MAP2K5: variants seen among roughly 807,000 people sequenced by gnomAD.
The protein encoded by MAP2K5 is mitogen-activated protein kinase kinase 5.
In MAP2K5, 49 loss-of-function variants were observed where a neutral mutation model predicts 83.1. The ratio of observed to expected loss-of-function variants is 0.59; its 90% CI spans 0.47 to 0.75. MAP2K5 has a LOEUF of 0.75. MAP2K5 is among the 30% of genes least tolerant of loss of function. MAP2K5 has a pLI of 0.00. For synonymous variants in MAP2K5, 202 were observed against 191.8 expected, an observed-to-expected ratio of 1.05 and a Z score of -0.44; for missense variants, 457 against 557.5, an observed-to-expected ratio of 0.82 and a Z score of 1.82.
At position 67,543,582 on chromosome 15, in the gene MAP2K5, C is replaced by T; in HGVS notation, c.135+112C>T. On this transcript the variant is annotated intron_variant, in intron 1 of 21. Coordinates refer to ENST00000178640, the MANE Select transcript of MAP2K5 (RefSeq NM_145160.3). This position sits in a 1 kb window ranked among gnomAD's most constrained non-coding sequence, Gnocchi z 4.3. ...CAGTGGCAATGGCTACTGCTGGCTT[C>T]CTGTGGAGGCAGTTTTATTGCTTCA... 1 of 1,240,170 alleles carries T rather than the reference C, an allele frequency of 8.1e-7. No homozygotes were observed. The highest frequency in any genetic ancestry group is 1.1e-6 in the Non-Finnish European group (1 of 873,960). 76.8% of individuals were successfully genotyped at this position (1,240,170 alleles called of 1,614,324 possible).
intron 9 of MAP2K5, among the ~76,000 whole-genome samples, chr15:67,645,230 T>G (rs1334755236): frequency 2.0e-5 from 3 of 150,880 alleles, no homozygotes; most frequent in African/African-American, 7.3e-5. Flanking sequence ...GTAATCCCAG[T>G]GCTTTGGGAG....
chr15:67,582,685 G>C (rs1290923989), intron 4 of MAP2K5, among the ~76,000 whole-genome samples: 1 of 152,038 alleles, frequency 6.6e-6, no homozygotes, highest in East Asian at 1.9e-4. Flanking sequence ...AGCCGGGCGT[G>C]GTGCACACTC....
At chr15:67,728,304 A>G (rs1250739526) in intron 17 of MAP2K5, among the ~76,000 whole-genome samples, 1 of 152,164 alleles carries the variant, frequency 6.6e-6, no homozygotes, top group Non-Finnish European at 1.5e-5. Flanking sequence ...TTTTTGAGTT[A>G]AAAGATTAAG....
At chr15:67,745,700 A>G (rs2089591074) in intron 17 of MAP2K5, among the ~76,000 whole-genome samples, 1 of 152,240 alleles carries the variant, frequency 6.6e-6, no homozygotes, top group Non-Finnish European at 1.5e-5. Context: ...AAAGGAGATA[A>G]TACATCTAAC....
Position 67,793,754 on chromosome 15 carries a change from T to C in MAP2K5, c.1243-12892T>C, listed in dbSNP as rs1025525288. Among the ~76,000 whole-genome samples the C allele has an allele frequency of 1.3e-5, 2 of 152,254 alleles. No homozygotes were observed. The highest frequency in any genetic ancestry group is 2.9e-5 in the Non-Finnish European group (2 of 68,044). ...TTCACTGTATAGAAAATATACTCTT[T>C]GATCACGTTGTATATAAATGTCCAA... On this transcript the variant is annotated intron_variant, in intron 21 of 21. Transcript: ENST00000178640. The surrounding 1 kb of genome is among the most constrained non-coding windows in gnomAD (Gnocchi z 4.6).
chr15:67,695,130 G>A, intron 15 of MAP2K5, among the ~76,000 whole-genome samples: 1 of 126,670 alleles, frequency 7.9e-6, no homozygotes, highest in African/African-American at 2.9e-5. Flanking sequence ...GAGGGGGGAG[G>A]GATGGCATTG....
In MAP2K5 at chr15:67,781,336, T is replaced by A. The variant is rs1231119898; in HGVS notation, c.1242+8584T>A. Reference sequence around the variant, plus strand: ...TATTTACAGTTGTGCCAGCTGGATTTGTTTAATGGGTTGTTTGCTTTTTAA... The same window carrying A: ...TATTTACAGTTGTGCCAGCTGGATTAGTTTAATGGGTTGTTTGCTTTTTAA... On this transcript the variant is annotated intron_variant, in intron 21 of 21. Coordinates refer to ENST00000178640, the MANE Select transcript of MAP2K5 (RefSeq NM_145160.3). This position sits in a 1 kb window ranked among gnomAD's most constrained non-coding sequence, Gnocchi z 4.0. Among the ~76,000 whole-genome samples, 1 of 152,220 alleles carries A rather than the reference T, an allele frequency of 6.6e-6. No homozygotes were observed. Among genetic ancestry groups the A allele is most frequent in the African/African-American group, 2.4e-5 (1 of 41,452 alleles).
At chr15:67,544,479 G>C (rs917611573) in intron 1 of MAP2K5, among the ~76,000 whole-genome samples, 1 of 152,168 alleles carries the variant, frequency 6.6e-6, no homozygotes, top group Admixed American at 6.5e-5. Flanking sequence ...GAGGTGAAAT[G>C]GCTTTTCCAA....
rs1041612362 is a variant in MAP2K5 at position 67,786,038 on chromosome 15, C to T, written c.1242+13286C>T. Among the ~76,000 whole-genome samples, 3 of 149,378 alleles carry T rather than the reference C, an allele frequency of 2.0e-5. No homozygotes were observed. The highest frequency in any genetic ancestry group is 4.4e-5 in the Non-Finnish European group (3 of 67,592). On this transcript the variant is annotated intron_variant, in intron 21 of 21. Coordinates refer to ENST00000178640, the MANE Select transcript of MAP2K5 (RefSeq NM_145160.3). The surrounding 1 kb of genome is among the most constrained non-coding windows in gnomAD (Gnocchi z 4.7). ...AGGTTGTTTTTTTTTTTTTAACTTA[C>T]AGAAGATGGAGGTTATGAAAGTGTT...
At position 67,781,132 on chromosome 15, in the gene MAP2K5, C is replaced by T. The variant is rs954770421; in HGVS notation, c.1242+8380C>T. Reference sequence around the variant, plus strand: ...TTGAAAAAGATCAGAGACATTCAGCCGTTTGTGGGAGAAATATAAAAGGAT... The same window carrying T: ...TTGAAAAAGATCAGAGACATTCAGCTGTTTGTGGGAGAAATATAAAAGGAT... On this transcript the variant is annotated intron_variant, in intron 21 of 21. Coordinates refer to ENST00000178640, the MANE Select transcript of MAP2K5 (RefSeq NM_145160.3). This position sits in a 1 kb window ranked among gnomAD's most constrained non-coding sequence, Gnocchi z 4.0. 2.6e-5 allele frequency among the ~76,000 whole-genome samples: 4 copies of T among 152,134 alleles called. No homozygotes were observed. Among genetic ancestry groups the T allele is most frequent in the South Asian group, 2.1e-4 (1 of 4,826 alleles).
At chr15:67,740,736 G>A (rs565230891) in intron 17 of MAP2K5, among the ~76,000 whole-genome samples, 1 of 152,150 alleles carries the variant, frequency 6.6e-6, no homozygotes, top group Non-Finnish European at 1.5e-5. Context: ...TATCAGAAAT[G>A]TGAATGCATG....
chr15:67,649,808 G>T (rs2141125372), intron 11 of MAP2K5, among the ~76,000 whole-genome samples: 1 of 152,216 alleles, frequency 6.6e-6, no homozygotes, highest in African/African-American at 2.4e-5. Context: ...TTCTTTTCAA[G>T]ATTGTTTTGG....
At position 67,769,714 on chromosome 15, in the gene MAP2K5, A is replaced by T; in HGVS notation, c.1196+51A>T. On this transcript the variant is annotated intron_variant, in intron 20 of 21. Transcript: ENST00000178640. The surrounding 1 kb of genome is among the most constrained non-coding windows in gnomAD (Gnocchi z 5.2). ...GCCCTCAATGTAAATGATACATGCC[A>T]TTAACTCGGCAGCTCCGTGAGACCT... 6.3e-7 allele frequency: 1 copy of T among 1,579,460 alleles called. No homozygotes were observed. The highest frequency in any genetic ancestry group is 1.1e-5 in the South Asian group (1 of 89,906).
chr15:67,692,340 T>A, intron 13 of MAP2K5, 139 bp from the exon 14 acceptor site: 1 of 562,354 alleles, frequency 1.8e-6, no homozygotes, highest in Admixed American at 3.3e-5. Context: ...ATGCTTTTCA[T>A]TAAATTTGTG....
Position 67,698,344 on chromosome 15 carries a change from C to A in MAP2K5, c.972+4776C>A, listed in dbSNP as rs756812137. Among the ~76,000 whole-genome samples, 2 of 151,958 alleles carry A rather than the reference C, an allele frequency of 1.3e-5. No individual in the cohort carries two copies. The highest frequency in any genetic ancestry group is 2.9e-5 in the Non-Finnish European group (2 of 68,010). ...CTGGGATTACAGGCGTGCACCACCA[C>A]GCCCGGCTAATTTTTGTATTTTTAG... On this transcript the variant is annotated intron_variant, in intron 15 of 21. Coordinates refer to ENST00000178640, the MANE Select transcript of MAP2K5 (RefSeq NM_145160.3). This position sits in a 1 kb window ranked among gnomAD's most constrained non-coding sequence, Gnocchi z 4.5.
chr15:67,622,561 A>AT (rs1223490597), intron 8 of MAP2K5, among the ~76,000 whole-genome samples: 2 of 152,002 alleles, frequency 1.3e-5, no homozygotes, highest in Admixed American at 6.5e-5. Flanking sequence ...TATCCAGGTG[A>AT]TTATTTTTTT....
chr15:67,610,203 A>C (rs2085886771), intron 8 of MAP2K5, among the ~76,000 whole-genome samples: 1 of 152,194 alleles, frequency 6.6e-6, no homozygotes, highest in Non-Finnish European at 1.5e-5. Flanking sequence ...TAAATTTGAA[A>C]GTCAATGATG....
Position 67,555,823 on chromosome 15 carries a change from G to A in MAP2K5, c.184+5741G>A, listed in dbSNP as rs947092004. Among the ~76,000 whole-genome samples the A allele has an allele frequency of 6.7e-5, 10 of 150,252 alleles. No individual in the cohort carries two copies. The highest frequency in any genetic ancestry group is 1.5e-4 in the African/African-American group (6 of 40,742). ...TTTTGAGACGCAGTCTCACTCTGTC[G>A]CCCAGGCTGGAGTGCAGTGGTGTGA... On this transcript the variant is annotated intron_variant, in intron 2 of 21. Transcript: ENST00000178640. This position sits in a 1 kb window ranked among gnomAD's most constrained non-coding sequence, Gnocchi z 5.2.
At position 67,722,435 on chromosome 15, in the gene MAP2K5, T is replaced by C. The variant is rs1309924281; in HGVS notation, c.1045-5481T>C. 6.6e-6 allele frequency among the ~76,000 whole-genome samples: 1 copy of C among 152,164 alleles called. No homozygotes were observed. The highest frequency in any genetic ancestry group is 2.4e-5 in the African/African-American group (1 of 41,422). ...TTCAAGACGCTTTGTGTTTCTGTGTTCTTTGTTGTCAGTTTAACCTCCAAA... is the reference window on the plus strand; with the variant it reads ...TTCAAGACGCTTTGTGTTTCTGTGTCCTTTGTTGTCAGTTTAACCTCCAAA... On this transcript the variant is annotated intron_variant, in intron 16 of 21. Coordinates refer to ENST00000178640, the MANE Select transcript of MAP2K5 (RefSeq NM_145160.3). The surrounding 1 kb of genome is among the most constrained non-coding windows in gnomAD (Gnocchi z 4.2).
Sources: allele counts gnomAD v4.1 joint callset (sites outside exome capture counted in the v4.1 genomes callset), GRCh38; gene constraint gnomAD v4.1.1; non-coding constraint Gnocchi (gnomAD v3.1); transcripts MANE v1.5; gene names NCBI Gene and HGNC (gene_info 2026-07-23, HGNC 2026-07-21).